ASPRV1: variants seen among roughly 807,000 people sequenced by gnomAD.
ASPRV1 encodes aspartic peptidase retroviral like 1.
A neutral mutation model predicts 11.0 loss-of-function variants in ASPRV1; 7 were observed. The ratio of observed to expected loss-of-function variants is 0.64; its 90% CI spans 0.36 to 1.20. ASPRV1 has a LOEUF of 1.20. Among genes scored for constraint, ASPRV1 ranks in the 50% most tolerant of loss-of-function variants. ASPRV1 has a pLI of 0.02. For missense variants in ASPRV1, 299 were observed against 320.0 expected (o/e 0.93, Z 0.50); for synonymous variants, 136 against 138.4 (o/e 0.98, Z 0.12).
chr2:70,080,101 C>G, the ASPRV1 span, among the ~76,000 whole-genome samples: 1 of 152,314 alleles, frequency 6.6e-6, no homozygotes, highest in Middle Eastern at 3.4e-3. Flanking sequence ...TCTCTCCCCT[C>G]TAACTCAAAC....
At chr2:70,060,218 G>C in the ASPRV1 span, 1 of 151,236 alleles carries the variant, frequency 6.6e-6, no homozygotes, top group Admixed American at 6.7e-5. Context: ...GCGCACATCT[G>C]TAATTCCAGC....
chr2:70,079,964 G>A, the ASPRV1 span, among the ~76,000 whole-genome samples: 1 of 152,210 alleles, frequency 6.6e-6, no homozygotes, highest in Admixed American at 6.5e-5. Flanking sequence ...TCTGGTTGAA[G>A]TAACTGTCTC....
chr2:70,024,116 A>G, the ASPRV1 span, among the ~76,000 whole-genome samples: 1 of 152,008 alleles, frequency 6.6e-6, no homozygotes, highest in Non-Finnish European at 1.5e-5. Context: ...CTAAAGTATT[A>G]AATAATATTA....
At chr2:70,023,235 A>T in the ASPRV1 span, among the ~76,000 whole-genome samples, 11 of 152,050 alleles carry the variant, frequency 7.2e-5, no homozygotes, top group African/African-American at 2.6e-4. Context: ...CCTGAGCAGG[A>T]GTTCAGGTGT....
the ASPRV1 span, among the ~76,000 whole-genome samples, chr2:70,010,874 T>C: frequency 6.6e-6 from 1 of 152,124 alleles, no homozygotes; most frequent in Non-Finnish European, 1.5e-5. Flanking sequence ...ATGCTGTGAG[T>C]GCTGGAGGTC....
At chr2:69,999,503 A>G in the ASPRV1 span, among the ~76,000 whole-genome samples, 1 of 151,976 alleles carries the variant, frequency 6.6e-6, no homozygotes, top group Non-Finnish European at 1.5e-5. Flanking sequence ...CAAAAATACA[A>G]AAACTAGCCG....
chr2:69,937,422 C>A, the ASPRV1 span: 2 of 1,559,078 alleles, frequency 1.3e-6, no homozygotes, highest in Non-Finnish European at 1.7e-6. Context: ...TCCTCCCTGT[C>A]TCCCTTGTGC....
Position 69,961,400 on chromosome 2 carries a change from G to T in ASPRV1, c.37C>A (p.Arg13=). 6.2e-7 allele frequency: 1 copy of T among 1,614,038 alleles called. No individual in the cohort carries two copies. The stretch of plus-strand genomic sequence containing the variant: ...GGTTCCGGGACGAAGGCATGCTGCC[G>T]GCGGCCTTCCTCACTCCTGGCTCCG... ...GSGARSEEGR[R]QHAFVPEPFD... is the part of the protein sequence containing the mutation. The change falls in exon 1 of 1, where the codon CGG becomes AGG. Residue 13 remains arginine, a synonymous_variant. Coordinates refer to ENST00000320256, the MANE Select transcript of ASPRV1 (RefSeq NM_152792.4).
At chr2:69,978,778 A>G in the ASPRV1 span, among the ~76,000 whole-genome samples, 68 of 152,292 alleles carry the variant, frequency 4.5e-4, no homozygotes, top group African/African-American at 1.5e-3. Flanking sequence ...GGGCTGCCTC[A>G]GAGGTCATGG....
chr2:69,969,854 G>A, the ASPRV1 span, among the ~76,000 whole-genome samples: 1 of 151,976 alleles, frequency 6.6e-6, no homozygotes, highest in Non-Finnish European at 1.5e-5. Context: ...ACCTTAGAGG[G>A]GATCAGAGGT....
the ASPRV1 span, chr2:70,055,727 A>G: frequency 1.3e-5 from 2 of 152,218 alleles, no homozygotes; most frequent in African/African-American, 4.8e-5. Context: ...CATGTTCTGC[A>G]CATGTATCCA....
the ASPRV1 span, among the ~76,000 whole-genome samples, chr2:69,981,493 T>C: frequency 1.3e-5 from 2 of 152,212 alleles, no homozygotes; most frequent in Admixed American, 1.3e-4. Flanking sequence ...TTCTTCTAAA[T>C]GCATTTATAA....
At chr2:70,001,073 T>G in the ASPRV1 span, among the ~76,000 whole-genome samples, 14 of 152,072 alleles carry the variant, frequency 9.2e-5, no homozygotes, top group Non-Finnish European at 2.1e-4. Flanking sequence ...GAGCCTAAGT[T>G]GATACATCCT....
the ASPRV1 span, chr2:70,083,381 T>C: frequency 6.6e-6 from 1 of 152,236 alleles, no homozygotes; most frequent in African/African-American, 2.4e-5. Flanking sequence ...ATTAAACAAG[T>C]AACGTGAAAG....
chr2:69,981,854 C>T, the ASPRV1 span, among the ~76,000 whole-genome samples: 1 of 152,144 alleles, frequency 6.6e-6, no homozygotes, highest in Non-Finnish European at 1.5e-5. Flanking sequence ...CCACCATGCT[C>T]GGCTATTTTC....
chr2:69,961,589 C>T lies in ASPRV1; in HGVS notation c.-153G>A, dbSNP rs145777203. 2.1e-5 allele frequency: 34 copies of T among 1,612,928 alleles called. No homozygotes were observed. The highest frequency in any genetic ancestry group is 2.7e-5 in the Non-Finnish European group (32 of 1,179,288). On this transcript the variant is annotated 5_prime_UTR_variant, in exon 1 of 1. Coordinates refer to ENST00000320256, the MANE Select transcript of ASPRV1 (RefSeq NM_152792.4). ...TTGGGCAAGCAGGAGGGAGCAGGCG[C>T]GGTCGGCTGGCTGACTGCTGGGGCA...
At chr2:69,937,320 A>G in the ASPRV1 span, 6 of 1,614,204 alleles carry the variant, frequency 3.7e-6, no homozygotes, top group Non-Finnish European at 5.1e-6. Context: ...CAGCTGGAGA[A>G]GCTGGGCATT....
the ASPRV1 span, among the ~76,000 whole-genome samples, chr2:69,977,873 G>C: frequency 2.0e-5 from 3 of 152,184 alleles, no homozygotes; most frequent in African/African-American, 7.2e-5. Flanking sequence ...TAGCCAGTGG[G>C]ACCTGTTGGT....
chr2:70,039,079 CA>C, the ASPRV1 span, among the ~76,000 whole-genome samples: 836 of 66,136 alleles, frequency 0.013, 1 homozygote, highest in African/African-American at 0.032. Context: ...AACTCCATCT[CA>C]AAAAAAAAAA....
Sources: allele counts gnomAD v4.1 joint callset (sites outside exome capture counted in the v4.1 genomes callset), GRCh38; gene constraint gnomAD v4.1.1; transcripts MANE v1.5; gene names NCBI Gene and HGNC (gene_info 2026-07-23, HGNC 2026-07-21).